The following CARM1 variants were observed in gnomAD, a reference collection of about 807,000 sequenced individuals.
CARM1 encodes the protein coactivator associated arginine methyltransferase 1, also known as histone-arginine methyltransferase CARM1.
Under a neutral mutation model 72.7 loss-of-function variants are expected in CARM1, and 14 were observed. The ratio of observed to expected loss-of-function variants is 0.19; its 90% confidence interval spans 0.13 to 0.30. The LOEUF is 0.30. Ranked by LOEUF, CARM1 falls within the 10% of genes least tolerant of loss-of-function variation. CARM1 has a pLI of 1.00. For missense variants in CARM1, 432 were observed against 833.7 expected (o/e 0.52, Z 5.93); for synonymous variants, 333 against 345.5 (o/e 0.96, Z 0.40).
chr19:10,920,583 C>G lies in CARM1; in HGVS notation c.1334+10C>G, dbSNP rs1427811863. The G allele has an allele frequency of 1.9e-6, 3 of 1,613,794 alleles. No homozygotes were observed. In the Admixed American group the frequency reaches 5.0e-5, roughly 27 times the overall value. On this transcript the variant is annotated intron_variant, in intron 11 of 15. Transcript: ENST00000327064. The surrounding 1 kb of genome is among the most constrained non-coding windows in gnomAD (Gnocchi z 5.3). Reference sequence around the variant, plus strand: ...TTATTGCCAACAAAAGGTGCGACTGCTCCCTGGGGCTGGTGGTGGTGGGCA... The same window carrying G: ...TTATTGCCAACAAAAGGTGCGACTGGTCCCTGGGGCTGGTGGTGGTGGGCA...
intron 1 of CARM1, among the ~76,000 whole-genome samples, chr19:10,901,725 C>T (rs1568351842): frequency 2.6e-5 from 4 of 151,702 alleles, no homozygotes; most frequent in Admixed American, 2.0e-4. Context: ...ACAGATCACA[C>T]GAGGCTAGGA....
chr19:10,878,057 G>A (rs1447977412), intron 1 of CARM1, among the ~76,000 whole-genome samples: 1 of 152,048 alleles, frequency 6.6e-6, no homozygotes, highest in African/African-American at 2.4e-5. Context: ...TCCCAGGCTG[G>A]CCCCAAACCC....
Position 10,922,137 on chromosome 19 carries a change from C to T in CARM1, c.*380C>T, listed in dbSNP as rs2074263387. Reference sequence around the variant, plus strand: ...TGTCTCCAGTGGGAAGGTAGCCTGGCCAGGCGGGGCCTCCCCTTCGACGAC... The same window carrying T: ...TGTCTCCAGTGGGAAGGTAGCCTGGTCAGGCGGGGCCTCCCCTTCGACGAC... On this transcript the variant is annotated 3_prime_UTR_variant, in exon 16 of 16. Coordinates refer to ENST00000327064, the MANE Select transcript of CARM1 (RefSeq NM_199141.2). 5.7e-6 allele frequency: 1 copy of T among 176,276 alleles called. No homozygotes were observed. Among genetic ancestry groups the T allele is most frequent in the Non-Finnish European group, 1.2e-5 (1 of 84,390 alleles). The allele number at this position is 176,276 out of a possible 1,614,324, so 10.9% of individuals were successfully genotyped here.
chr19:10,907,894 A>T, intron 2 of CARM1, 145 bp from the exon 3 acceptor site: 1 of 594,174 alleles, frequency 1.7e-6, no homozygotes, highest in Non-Finnish European at 3.0e-6. Flanking sequence ...AACTTTGAAA[A>T]TTGTTTTTCG....
intron 1 of CARM1, among the ~76,000 whole-genome samples, chr19:10,873,860 T>C (rs578242003): frequency 2.7e-4 from 41 of 151,784 alleles, no homozygotes; most frequent in Non-Finnish European, 4.4e-4. Flanking sequence ...AGGATGGTCT[T>C]GATCTCCTGA....
rs2074231674 is a variant in CARM1 at position 10,920,321 on chromosome 19, C to A, written c.1197-115C>A. ...GGCCAGCCTGTCTCTGCTCCAGGGTCCCAGGGGTCCCTGGCAGAGGGGGCA... is the reference window on the plus strand; with the variant it reads ...GGCCAGCCTGTCTCTGCTCCAGGGTACCAGGGGTCCCTGGCAGAGGGGGCA... On this transcript the variant is annotated intron_variant, in intron 10 of 15. Transcript: ENST00000327064. This position sits in a 1 kb window ranked among gnomAD's most constrained non-coding sequence, Gnocchi z 5.3. 8.6e-6 allele frequency: 11 copies of A among 1,272,108 alleles called. No individual in the cohort carries two copies. 78.8% of individuals were successfully genotyped at this position (1,272,108 alleles called of 1,614,324 possible). A position where few individuals can be genotyped will look rare whatever the true frequency, so the allele number is the denominator to read the frequency against.
chr19:10,882,605 G>A (rs1330222673), intron 1 of CARM1, among the ~76,000 whole-genome samples: 3 of 148,212 alleles, frequency 2.0e-5, no homozygotes, highest in Non-Finnish European at 4.4e-5. Flanking sequence ...ACAGTGGAGC[G>A]ATTTCTGCTC....
chr19:10,904,820 G>T (rs992111062), intron 1 of CARM1, 131 bp from the exon 2 acceptor site: 4 of 1,206,854 alleles, frequency 3.3e-6, no homozygotes, highest in Non-Finnish European at 4.7e-6. Context: ...TGCTGCCAGG[G>T]TGGTTTTGTG....
chr19:10,875,033 A>T (rs894702966), intron 1 of CARM1, among the ~76,000 whole-genome samples: 1 of 152,092 alleles, frequency 6.6e-6, no homozygotes, highest in Non-Finnish European at 1.5e-5. Flanking sequence ...GAAAAAAAAA[A>T]AAAAAGCATG....
Position 10,916,756 on chromosome 19 carries a change from G to A in CARM1, c.999G>A (p.Glu333=), listed in dbSNP as rs1246542017. ...LSALRGAAVD[E]YFRQPVVDTF... is the part of the protein sequence containing the mutation. ...CCCTCCGAGGTGCCGCGGTGGATGA[G>A]TATTTCCGGCAGCCTGTGGTGGTGA... The change falls in exon 8 of 16, where the codon GAG becomes GAA. Residue 333 remains glutamate (E), a synonymous_variant. Coordinates refer to ENST00000327064, the MANE Select transcript of CARM1 (RefSeq NM_199141.2). This position sits in a 1 kb window ranked among gnomAD's most constrained non-coding sequence, Gnocchi z 4.4. 3.2e-6 allele frequency: 5 copies of A among 1,551,450 alleles called. No individual in the cohort carries two copies. Among genetic ancestry groups the A allele is most frequent in the Non-Finnish European group, 4.4e-6 (5 of 1,147,164 alleles).
chr19:10,910,079 C>T (rs557069760), intron 4 of CARM1, among the ~76,000 whole-genome samples: 42 of 151,982 alleles, frequency 2.8e-4, no homozygotes, highest in Non-Finnish European at 4.9e-4. Flanking sequence ...AGCCAAAGTG[C>T]GAGACCCTGC....
intron 1 of CARM1, among the ~76,000 whole-genome samples, chr19:10,902,030 G>A (rs2074070066): frequency 6.6e-6 from 1 of 152,044 alleles, no homozygotes; most frequent in Admixed American, 6.6e-5. Context: ...GAGCGCTTGA[G>A]CTCAGGAGCT....
At chr19:10,901,131 C>G (rs997638567) in intron 1 of CARM1, among the ~76,000 whole-genome samples, 8 of 152,032 alleles carry the variant, frequency 5.3e-5, no homozygotes, top group African/African-American at 1.9e-4. Context: ...TACAGGCACC[C>G]ACCATCATGT....
chr19:10,913,188 T>A (rs1391145625), intron 5 of CARM1, among the ~76,000 whole-genome samples: 1 of 151,608 alleles, frequency 6.6e-6, no homozygotes, highest in Non-Finnish European at 1.5e-5. Context: ...CATTGCAACC[T>A]CCACCTCCCG....
At chr19:10,884,797 C>T (rs942684136) in intron 1 of CARM1, among the ~76,000 whole-genome samples, 5 of 152,100 alleles carry the variant, frequency 3.3e-5, no homozygotes, top group Non-Finnish European at 7.4e-5. Flanking sequence ...CTCCGCCTCC[C>T]GGGTTCAAGC....
chr19:10,885,774 C>A lies in CARM1; in HGVS notation c.220+13852C>A, dbSNP rs116042378. On this transcript the variant is annotated intron_variant, in intron 1 of 15. Transcript: ENST00000327064. ...CTGGCTCTGCCTTTGAGCCCTGGAG[C>A]CCCTAGATGCAGGATGATGGGATGC... Among the ~76,000 whole-genome samples, 1,413 of 152,232 alleles carry A rather than the reference C, an allele frequency of 9.3e-3. 25 individuals are homozygous for A. The highest frequency in any genetic ancestry group is 0.033 in the African/African-American group (1,354 of 41,516).
Position 10,920,030 on chromosome 19 carries a change from C to G in CARM1, c.1196+64C>G. The stretch of plus-strand genomic sequence containing the variant: ...CTCCCAGGGCTTCCTGCAGCTGCAA[C>G]CTGGCTGGGGGGGTGGAACATGGCT... On this transcript the variant is annotated intron_variant, in intron 10 of 15. Transcript: ENST00000327064. The surrounding 1 kb of genome is among the most constrained non-coding windows in gnomAD (Gnocchi z 5.3). 1 of 1,304,476 alleles carries G rather than the reference C, an allele frequency of 7.7e-7. No homozygotes were observed. The highest frequency in any genetic ancestry group is 1.2e-5 in the South Asian group (1 of 83,812). The allele number at this position is 1,304,476 out of a possible 1,614,324, so 80.8% of individuals were successfully genotyped here. A position where few individuals can be genotyped will look rare whatever the true frequency, so the allele number is the denominator to read the frequency against.
At position 10,911,451 on chromosome 19, in the gene CARM1, C is replaced by T. The variant is rs183686922; in HGVS notation, c.559-733C>T. 2.2e-3 allele frequency among the ~76,000 whole-genome samples: 340 copies of T among 152,326 alleles called. 8 individuals are homozygous for T. The highest frequency in any genetic ancestry group is 0.019 in the Admixed American group (290 of 15,302). On this transcript the variant is annotated intron_variant, in intron 4 of 15. Transcript: ENST00000327064. ...GAAGGACGTCCTCCGTTGGTGAAGTCCCTTCCTGCTCCCCAAGGATGGAGA... is the reference window on the plus strand; with the variant it reads ...GAAGGACGTCCTCCGTTGGTGAAGTTCCTTCCTGCTCCCCAAGGATGGAGA...
chr19:10,906,198 C>T (rs1037913899), intron 2 of CARM1, among the ~76,000 whole-genome samples: 1 of 152,066 alleles, frequency 6.6e-6, no homozygotes, highest in African/African-American at 2.4e-5. Context: ...AAGTGATCCA[C>T]CCGCCTCAGC....
Sources: gnomAD v4.1 joint callset for allele counts (sites outside exome capture counted in the v4.1 genomes callset) on GRCh38, gnomAD v4.1.1 for gene constraint, Gnocchi (gnomAD v3.1) non-coding constraint, MANE v1.5 for transcripts, NCBI Gene and HGNC (gene_info 2026-07-23, HGNC 2026-07-21) for gene names.